The following ZNF672 variants were observed in gnomAD, a reference collection of about 807,000 sequenced individuals.
The protein encoded by ZNF672 is hypothetical protein FLJ22301.
For missense variants in ZNF672, 733 were observed against 701.1 expected (o/e 1.05, Z -0.51); for synonymous variants, 358 against 305.6 (o/e 1.17, Z -1.79).
chr1:248,849,085 T>G lies in ZNF672; in HGVS notation c.*452T>G. ...CAGGTAATGGTCACAGATTTGGCTGTAGGCACGTTACCAGCCCTGTGGCTT... is the reference window on the plus strand; with the variant it reads ...CAGGTAATGGTCACAGATTTGGCTGGAGGCACGTTACCAGCCCTGTGGCTT... On this transcript the variant is annotated 3_prime_UTR_variant, in exon 4 of 4. Coordinates refer to ENST00000306562, the MANE Select transcript of ZNF672 (RefSeq NM_024836.3). The G allele has an allele frequency of 2.1e-6, 1 of 477,210 alleles. No homozygotes were observed. The highest frequency in any genetic ancestry group is 4.3e-6 in the Non-Finnish European group (1 of 231,080). 29.6% of individuals were successfully genotyped at this position (477,210 alleles called of 1,614,324 possible).
Position 248,848,441 on chromosome 1 carries a change from C to T in ZNF672, c.1167C>T (p.His389=). 1 of 1,607,758 alleles carries T rather than the reference C, an allele frequency of 6.2e-7. No individual in the cohort carries two copies. The highest frequency in any genetic ancestry group is 1.1e-5 in the South Asian group (1 of 90,962). Residue 389 remains histidine, a synonymous_variant, in exon 4 of 4, where the codon CAC becomes CAT. Coordinates refer to ENST00000306562, the MANE Select transcript of ZNF672 (RefSeq NM_024836.3). ...ASKLALHRKT[H]LGERPAECAE... Reference sequence around the variant, plus strand: ...AGCTTGCACTGCACCGCAAGACGCACCTGGGCGAACGGCCAGCGGAGTGCG... The same window carrying T: ...AGCTTGCACTGCACCGCAAGACGCATCTGGGCGAACGGCCAGCGGAGTGCG...
In ZNF672 at chr1:248,849,275, CAT is replaced by C. The variant is rs369358595; in HGVS notation, c.*643_*644del. Reference sequence around the variant, plus strand: ...GGGCAGGGCCCTTAGCATGGCCACACATGTCCCCAGGGCAGATCAAGGGGCCT... The same window carrying C: ...GGGCAGGGCCCTTAGCATGGCCACACGTCCCCAGGGCAGATCAAGGGGCCT... On this transcript the variant is annotated 3_prime_UTR_variant, in exon 4 of 4. Transcript: ENST00000306562. 0.013 allele frequency: 4,835 copies of C among 385,668 alleles called. 198 individuals are homozygous for C. The highest frequency in any genetic ancestry group is 0.089 in the African/African-American group (4,193 of 47,122). The allele number at this position is 385,668 out of a possible 1,614,324, so 23.9% of individuals were successfully genotyped here. A position where few individuals can be genotyped will look rare whatever the true frequency, so the allele number is the denominator to read the frequency against.
chr1:248,844,401 TCA>T (rs1664724863), intron 1 of ZNF672, 80 bp from the exon 2 acceptor site: 1 of 152,204 alleles, frequency 6.6e-6, no homozygotes, highest in Non-Finnish European at 1.5e-5. Context: ...ACTGTAAAAC[TCA>T]CACTCAATCA....
At chr1:248,841,604 C>T (rs1373059601) in intron 1 of ZNF672, among the ~76,000 whole-genome samples, 1 of 152,190 alleles carries the variant, frequency 6.6e-6, no homozygotes, top group Non-Finnish European at 1.5e-5. Context: ...ACAGGAAAAT[C>T]TTTGTGAAAC....
At chr1:248,845,276 C>G (rs1664738273) in intron 2 of ZNF672, among the ~76,000 whole-genome samples, 1 of 152,014 alleles carries the variant, frequency 6.6e-6, no homozygotes, top group African/African-American at 2.4e-5. Flanking sequence ...TACTCCAGAG[C>G]TCCTGCTTGC....
intron 3 of ZNF672, among the ~76,000 whole-genome samples, chr1:248,845,974 G>A (rs1664754208): frequency 6.6e-6 from 1 of 152,210 alleles, no homozygotes; most frequent in East Asian, 1.9e-4. Context: ...GTGAGGTTCT[G>A]TGCACATACT....
At position 248,847,961 on chromosome 1, in the gene ZNF672, C is replaced by G; in HGVS notation, c.687C>G (p.Cys229Trp). Residue 229 changes from cysteine (C) to tryptophan (W), a missense_variant, in exon 4 of 4, where the codon TGC becomes TGG. Cys to Trp is a radical substitution (Grantham distance 215). Transcript: ENST00000306562. ...ACTCGGGGGAGAAACCCTTCAAGTG[C>G]CCGGAGTGCGGCAAGGGCTTCCTGG... ...QTHSGEKPFK[C>W]PECGKGFLES... 6.4e-7 allele frequency: 1 copy of G among 1,566,170 alleles called. No homozygotes were observed.
chr1:248,843,044 C>A (rs1664703612), intron 1 of ZNF672, among the ~76,000 whole-genome samples: 1 of 152,162 alleles, frequency 6.6e-6, no homozygotes, highest in African/African-American at 2.4e-5. Flanking sequence ...CTGCTGCTCA[C>A]TGAGCTGCTG....
intron 3 of ZNF672, among the ~76,000 whole-genome samples, chr1:248,846,775 C>G (rs1410559805): frequency 6.6e-6 from 1 of 152,212 alleles, no homozygotes; most frequent in African/African-American, 2.4e-5. Flanking sequence ...TCCTTTCCCT[C>G]AGAGCAGTGT....
rs773321700 is a variant in ZNF672 at position 248,847,653 on chromosome 1, CCCCGCCGCTGCCCGCTGTGCGCCCGCA to C, written c.382_408del (p.Arg128_Thr136del). On this transcript the variant is annotated inframe_deletion, in exon 4 of 4. Transcript: ENST00000306562. ...GCGCCGCCAGCATCTGCCAGAGCGG[CCCCGCCGCTGCCCGCTGTGCGCCCGCA>C]CCTTCCGGCAGAGCGCGCTGCTCTT... 1.3e-6 allele frequency: 2 copies of C among 1,502,456 alleles called. No individual in the cohort carries two copies. The highest frequency in any genetic ancestry group is 2.8e-5 in the African/African-American group (2 of 71,232). The allele number at this position is 1,502,456 out of a possible 1,614,324, so 93.1% of individuals were successfully genotyped here. A position where few individuals can be genotyped will look rare whatever the true frequency, so the allele number is the denominator to read the frequency against.
Position 248,847,447 on chromosome 1 carries a change from G to A in ZNF672, c.173G>A (p.Arg58Gln), listed in dbSNP as rs1208618649. 6.3e-7 allele frequency: 1 copy of A among 1,591,064 alleles called. No individual in the cohort carries two copies. Among genetic ancestry groups the A allele is most frequent in the Middle Eastern group, 1.7e-4 (1 of 6,032 alleles). ...CGCTGTGCACGGGCTGCTGACCTCC[G>A]AGCGCACAGGCGCACGCATGCTGGC... ...GERCARAADL[R>Q]AHRRTHAGQT... Residue 58 changes from arginine to glutamine, a missense_variant, in exon 4 of 4, where the codon CGA (arginine) becomes CAA (glutamine). Transcript: ENST00000306562.
rs751186390 is a variant in ZNF672, at chr1:248,848,672, G to GGCAA, written c.*43_*46dup. On this transcript the variant is annotated 3_prime_UTR_variant, in exon 4 of 4. Transcript: ENST00000306562. The stretch of plus-strand genomic sequence containing the variant: ...GCTGAGGCTTCTCTAAAGGTGGTTG[G>GGCAA]GCAAGCACCTATATAGTATCACGGG... The GGCAA allele has an allele frequency of 6.5e-7, 1 of 1,529,882 alleles. No individual in the cohort carries two copies. The highest frequency in any genetic ancestry group is 2.3e-5 in the East Asian group (1 of 43,806). The allele number at this position is 1,529,882 out of a possible 1,614,324, so 94.8% of individuals were successfully genotyped here. A position where few individuals can be genotyped will look rare whatever the true frequency, so the allele number is the denominator to read the frequency against.
rs1199679409 is a variant in ZNF672 at position 248,844,651 on chromosome 1, A to G, written c.-321+15A>G. 6.6e-6 allele frequency: 1 copy of G among 152,262 alleles called. No individual in the cohort carries two copies. The highest frequency in any genetic ancestry group is 1.5e-5 in the Non-Finnish European group (1 of 68,052). 9.4% of individuals were successfully genotyped at this position (152,262 alleles called of 1,614,324 possible). On this transcript the variant is annotated intron_variant, in intron 2 of 3. Coordinates refer to ENST00000306562, the MANE Select transcript of ZNF672 (RefSeq NM_024836.3). ...GGAAGGAAATGGTATTGTTGTTTAT[A>G]TGCCGTTTAAGTCTACACGTTGGTA...
chr1:248,845,685 C>G (rs969190697), intron 3 of ZNF672, 23 bp downstream of exon 3: 1 of 152,178 alleles, frequency 6.6e-6, no homozygotes, highest in African/African-American at 2.4e-5. Context: ...CACTTTACCC[C>G]ATTTGTATCC....
At chr1:248,846,376 T>C (rs1295440756) in intron 3 of ZNF672, among the ~76,000 whole-genome samples, 1 of 152,248 alleles carries the variant, frequency 6.6e-6, no homozygotes, top group East Asian at 1.9e-4. Context: ...TACTGGGTCC[T>C]GAGTTGCTTT....
rs1287653643 is a variant in ZNF672, at chr1:248,847,674, G to A, written c.400G>A (p.Ala134Thr). The change falls in exon 4 of 4, where the codon GCC (alanine) becomes ACC (threonine). Residue 134 changes from alanine to threonine, a missense_variant. Ala to Thr is a moderately conservative substitution (Grantham distance 58). Coordinates refer to ENST00000306562, the MANE Select transcript of ZNF672 (RefSeq NM_024836.3). ...PERPRRCPLCARTFRQSALLF... is the reference protein window; with the variant it reads ...PERPRRCPLCTRTFRQSALLF... ...GCGGCCCCGCCGCTGCCCGCTGTGCGCCCGCACCTTCCGGCAGAGCGCGCT... is the reference window on the plus strand; with the variant it reads ...GCGGCCCCGCCGCTGCCCGCTGTGCACCCGCACCTTCCGGCAGAGCGCGCT... 7 of 1,481,904 alleles carry A rather than the reference G, an allele frequency of 4.7e-6. No homozygotes were observed. The highest frequency in any genetic ancestry group is 2.4e-5 in the Admixed American group (1 of 41,712). The allele number at this position is 1,481,904 out of a possible 1,614,324, so 91.8% of individuals were successfully genotyped here. A position where few individuals can be genotyped will look rare whatever the true frequency, so the allele number is the denominator to read the frequency against.
Position 248,847,963 on chromosome 1 carries a change from C to CGGAGTGCGGCAAGGGCTTCCT in ZNF672, c.694_714dup (p.Cys232_Glu238dup). 1 of 1,564,786 alleles carries CGGAGTGCGGCAAGGGCTTCCT rather than the reference C, an allele frequency of 6.4e-7. No individual in the cohort carries two copies. The highest frequency in any genetic ancestry group is 8.6e-7 in the Non-Finnish European group (1 of 1,156,212). The stretch of plus-strand genomic sequence containing the variant: ...TCGGGGGAGAAACCCTTCAAGTGCC[C>CGGAGTGCGGCAAGGGCTTCCT]GGAGTGCGGCAAGGGCTTCCTGGAG... On this transcript the variant is annotated inframe_insertion, in exon 4 of 4. Transcript: ENST00000306562.
chr1:248,845,825 G>A (rs566016581), intron 3 of ZNF672, among the ~76,000 whole-genome samples, 163 bp downstream of exon 3: 11 of 152,312 alleles, frequency 7.2e-5, no homozygotes, highest in African/African-American at 2.2e-4. Context: ...TCTGTTGAGC[G>A]ACAAGGGGCT....
At chr1:248,842,499 G>A (rs1055519088) in intron 1 of ZNF672, among the ~76,000 whole-genome samples, 2 of 152,108 alleles carry the variant, frequency 1.3e-5, no homozygotes, top group Non-Finnish European at 2.9e-5. Flanking sequence ...AGATCAGGGA[G>A]AATAAAGCTG....
Sources: gnomAD v4.1 joint callset for allele counts (sites outside exome capture counted in the v4.1 genomes callset) on GRCh38, gnomAD v4.1.1 for gene constraint, MANE v1.5 for transcripts, NCBI Gene and HGNC (gene_info 2026-07-23, HGNC 2026-07-21) for gene names.